Variants in SLC25A48 observed in about 807,000 individuals in gnomAD.
SLC25A48 encodes the protein CTC-321K16.1.
A neutral mutation model predicts 32.2 loss-of-function variants in SLC25A48; 29 were observed. The ratio of observed to expected loss-of-function variants is 0.90; its 90% confidence interval spans 0.67 to 1.23. SLC25A48 has a LOEUF of 1.23. Ranked by LOEUF, SLC25A48 falls within the 50% of genes most tolerant of loss-of-function variation. The pLI is 0.00. For missense variants in SLC25A48, 399 were observed against 422.7 expected, an observed-to-expected ratio of 0.94 and a Z score of 0.49; for synonymous variants, 164 against 172.3, an observed-to-expected ratio of 0.95 and a Z score of 0.38.
chr5:135,735,423 A>G (rs987317340), intron 3 of SLC25A48, among the ~76,000 whole-genome samples: 1 of 152,194 alleles, frequency 6.6e-6, no homozygotes, highest in African/African-American at 2.4e-5. Context: ...CTGGGCCTTC[A>G]AGGTCTAGGG....
At position 135,883,002 on chromosome 5, in the gene SLC25A48, A is replaced by G. The variant is rs186796736; in HGVS notation, c.*7+2905A>G. Reference sequence around the variant, plus strand: ...TCTCCAAATGGGTTGTTTGACCCCAAGATCCAAGATTTCAAGACTCCCGTT... The same window carrying G: ...TCTCCAAATGGGTTGTTTGACCCCAGGATCCAAGATTTCAAGACTCCCGTT... On this transcript the variant is annotated intron_variant, in intron 7 of 7. Coordinates refer to ENST00000681962, the MANE Select transcript of SLC25A48 (RefSeq NM_001349336.2). 7 of 981,822 alleles carry G rather than the reference A, an allele frequency of 7.1e-6. No homozygotes were observed. In the African/African-American group the frequency reaches 1.0e-4, roughly 15 times the overall value. 60.8% of individuals were successfully genotyped at this position (981,822 alleles called of 1,614,324 possible). A position where few individuals can be genotyped will look rare whatever the true frequency, so the allele number is the denominator to read the frequency against.
intron 3 of SLC25A48, among the ~76,000 whole-genome samples, chr5:135,756,915 G>A (rs1000280023): frequency 2.0e-5 from 3 of 150,304 alleles, no homozygotes; most frequent in African/African-American, 2.4e-5. Context: ...AACACACTGT[G>A]ATAGTAATAA....
At chr5:135,759,623 C>T (rs1049754027) in intron 3 of SLC25A48, among the ~76,000 whole-genome samples, 1 of 152,100 alleles carries the variant, frequency 6.6e-6, no homozygotes, top group African/African-American at 2.4e-5. Context: ...CTTGTCCCTT[C>T]CCCCTGCCAC....
chr5:135,655,795 A>G (rs1344232371), intron 3 of SLC25A48, among the ~76,000 whole-genome samples: 4 of 152,244 alleles, frequency 2.6e-5, no homozygotes, highest in Non-Finnish European at 5.9e-5. Flanking sequence ...GCTCAGCTAC[A>G]TGCATCCTCC....
At chr5:135,848,145 C>T (rs1253180708) in intron 2 of SLC25A48, among the ~76,000 whole-genome samples, 1 of 152,202 alleles carries the variant, frequency 6.6e-6, no homozygotes, top group African/African-American at 2.4e-5. Context: ...GACCTTTGCT[C>T]CATGGCTTTG....
intron 3 of SLC25A48, among the ~76,000 whole-genome samples, chr5:135,682,560 A>G (rs1753922415): frequency 6.6e-6 from 1 of 152,206 alleles, no homozygotes; most frequent in African/African-American, 2.4e-5. Flanking sequence ...AAGGATGTAA[A>G]GAGAATTAAC....
rs148853862 is a variant in SLC25A48 at position 135,735,089 on chromosome 5, C to T, written c.-520-77434C>T. 4.7e-4 allele frequency among the ~76,000 whole-genome samples: 71 copies of T among 152,286 alleles called. 1 individual carries two copies. The East Asian group carries it at 0.014, about 29-fold the overall frequency. On this transcript the variant is annotated intron_variant, in intron 3 of 10. Coordinates refer to the SLC25A48 transcript ENST00000646290. The stretch of plus-strand genomic sequence containing the variant: ...ATGGGACACGGCTTAGGAGGAATCC[C>T]AGGCTGAGGGCATTCCTTGGCCCAG...
intron 3 of SLC25A48, among the ~76,000 whole-genome samples, chr5:135,695,309 TG>T (rs2126961407): frequency 1.1e-4 from 1 of 9,214 alleles, no homozygotes; most frequent in South Asian, 3.7e-3. Flanking sequence ...GTGCTTTTTA[TG>T]TTTTTCTTGC....
At chr5:135,618,731 C>T (rs989595732) in intron 1 of SLC25A48, among the ~76,000 whole-genome samples, 1 of 152,016 alleles carries the variant, frequency 6.6e-6, no homozygotes, top group Non-Finnish European at 1.5e-5. Context: ...AAGACTTAAT[C>T]TCTCCTTCAT....
At chr5:135,866,534 T>G (rs1186913135) in intron 4 of SLC25A48, among the ~76,000 whole-genome samples, 1 of 152,194 alleles carries the variant, frequency 6.6e-6, no homozygotes, top group East Asian at 1.9e-4. Context: ...TGAAGTTGGA[T>G]GTCCCCTAAG....
rs1326006136 is a variant in SLC25A48 at position 135,779,522 on chromosome 5, A to ACACGCACTCTAATAAGGTTTGTG, written c.-520-33001_-520-33000insCACGCACTCTAATAAGGTTTGTG. On this transcript the variant is annotated intron_variant, in intron 3 of 10. Transcript: ENST00000646290. The stretch of plus-strand genomic sequence containing the variant: ...ACTCCCAATATTGCAGGGGGTGTAC[A>ACACGCACTCTAATAAGGTTTGTG]TGCCCCCCTGTGATATTGTTTCTAA... 3.6e-4 allele frequency among the ~76,000 whole-genome samples: 44 copies of ACACGCACTCTAATAAGGTTTGTG among 120,820 alleles called. 2 individuals carry two copies. Among genetic ancestry groups the ACACGCACTCTAATAAGGTTTGTG allele is most frequent in the East Asian group, 6.3e-4 (3 of 4,750 alleles). The allele number at this position is 120,820 out of a possible 152,430, so 79.3% of individuals were successfully genotyped here.
intron 3 of SLC25A48, among the ~76,000 whole-genome samples, chr5:135,791,956 A>G (rs1252041699): frequency 1.3e-5 from 2 of 151,756 alleles, no homozygotes; most frequent in Non-Finnish European, 2.9e-5. Context: ...CAGTGCATGT[A>G]CACACACGGT....
At chr5:135,598,056 C>T (rs889711965) in intron 1 of SLC25A48, among the ~76,000 whole-genome samples, 6 of 151,702 alleles carry the variant, frequency 4.0e-5, no homozygotes, top group African/African-American at 9.7e-5. Context: ...ACAAAAGCAA[C>T]GTCCCCAACT....
At chr5:135,737,487 T>C (rs996867406) in intron 3 of SLC25A48, among the ~76,000 whole-genome samples, 1 of 152,208 alleles carries the variant, frequency 6.6e-6, no homozygotes, top group Admixed American at 6.5e-5. Flanking sequence ...AGACCTGACA[T>C]GGAGGACAAG....
At chr5:135,625,593 G>A (rs868706671) in intron 1 of SLC25A48, among the ~76,000 whole-genome samples, 38 of 152,280 alleles carry the variant, frequency 2.5e-4, no homozygotes, top group Admixed American at 1.1e-3. Flanking sequence ...GTCTCACTCG[G>A]GAGTTAGCTC....
At chr5:135,841,109 C>T (rs1296429952) in intron 1 of SLC25A48, among the ~76,000 whole-genome samples, 2 of 152,172 alleles carry the variant, frequency 1.3e-5, no homozygotes, top group Admixed American at 1.3e-4. Context: ...TTGTAGCTAT[C>T]CTAGTGCGTG....
intron 3 of SLC25A48, among the ~76,000 whole-genome samples, chr5:135,725,834 C>T (rs539290383): frequency 6.6e-6 from 1 of 151,078 alleles, no homozygotes; most frequent in East Asian, 2.0e-4. Flanking sequence ...TTGGACCTTG[C>T]AAAGTGACAA....
chr5:135,637,298 T>G (rs149437258), intron 3 of SLC25A48, among the ~76,000 whole-genome samples: 2 of 152,304 alleles, frequency 1.3e-5, no homozygotes, highest in Admixed American at 6.5e-5. Context: ...TGCTGCAGAA[T>G]TCCCAGGATT....
At position 135,885,747 on chromosome 5, in the gene SLC25A48, T is replaced by C. The variant is rs1323869496; in HGVS notation, c.*8-2285T>C. Among the ~76,000 whole-genome samples, 3 of 152,212 alleles carry C rather than the reference T, an allele frequency of 2.0e-5. No individual in the cohort carries two copies. In the East Asian group the frequency reaches 5.8e-4, roughly 29 times the overall value. The stretch of plus-strand genomic sequence containing the variant: ...AAAAATGCAAGCATGACCATGTTAA[T>C]TGAGAATTGTTTGTAATAATGAAAA... On this transcript the variant is annotated intron_variant, in intron 7 of 7. Coordinates refer to ENST00000681962, the MANE Select transcript of SLC25A48 (RefSeq NM_001349336.2).
Sources: allele counts gnomAD v4.1 joint callset (sites outside exome capture counted in the v4.1 genomes callset), GRCh38; gene constraint gnomAD v4.1.1; transcripts MANE v1.5; gene names NCBI Gene and HGNC (gene_info 2026-07-23, HGNC 2026-07-21).